FARSB: variants seen among roughly 807,000 people sequenced by gnomAD.
FARSB encodes phenylalanyl-tRNA synthetase subunit beta.
FARSB carries 40 observed loss-of-function variants against 69.6 expected under a neutral mutation model. That is an observed-to-expected ratio of 0.57 (90% CI 0.45 to 0.75). FARSB has a LOEUF of 0.75. Among genes scored for constraint, FARSB ranks in the 30% least tolerant of loss-of-function variants. The probability of loss-of-function intolerance (pLI) is 0.00; values close to 1 mark genes in which losing one functional copy is unlikely to be tolerated. For missense variants in FARSB, 632 were observed against 722.9 expected, an observed-to-expected ratio of 0.87 and a Z score of 1.44; for synonymous variants, 235 against 247.2, an observed-to-expected ratio of 0.95 and a Z score of 0.46.
intron 14 of FARSB, among the ~76,000 whole-genome samples, chr2:222,618,430 A>T (rs1288984322): frequency 6.6e-6 from 1 of 152,206 alleles, no homozygotes; most frequent in African/African-American, 2.4e-5. Context: ...TTTAAAATAT[A>T]ACCTTCCAGT....
chr2:222,611,448 C>T (rs552943019), intron 15 of FARSB, among the ~76,000 whole-genome samples: 4 of 28,368 alleles, frequency 1.4e-4, no homozygotes, highest in Non-Finnish European at 3.3e-4. Flanking sequence ...TTTGGGGGGG[C>T]GGGGGGGCGC....
intron 2 of FARSB, among the ~76,000 whole-genome samples, chr2:222,646,123 G>A (rs954051700): frequency 6.6e-6 from 1 of 152,076 alleles, no homozygotes; most frequent in African/African-American, 2.4e-5. Flanking sequence ...TTTCCTTATG[G>A]CCCAATACAA....
At chr2:222,628,731 C>G in intron 10 of FARSB, 106 bp downstream of exon 10, 1 of 735,548 alleles carries the variant, frequency 1.4e-6, no homozygotes, top group Admixed American at 2.3e-5. Flanking sequence ...GCCTGGCACA[C>G]GGGTGGGTAG....
chr2:222,620,460 A>G lies in FARSB; in HGVS notation c.1252-723T>C, dbSNP rs138466926. On this transcript the variant is annotated intron_variant, in intron 13 of 16. Transcript: ENST00000281828. ...CAAATAAACTGCTGAGTACCCACCA[A>G]TCGAAGAGAAAGATGCTTGCCACCC... 1.2e-3 allele frequency among the ~76,000 whole-genome samples: 178 copies of G among 152,322 alleles called. 2 individuals are homozygous for G. The highest frequency in any genetic ancestry group is 4.1e-3 in the African/African-American group (171 of 41,566).
intron 13 of FARSB, among the ~76,000 whole-genome samples, chr2:222,620,560 T>C (rs1691110719): frequency 6.6e-6 from 1 of 152,210 alleles, no homozygotes; most frequent in South Asian, 2.1e-4. Context: ...AGTCTAATAA[T>C]AAATGATATA....
intron 3 of FARSB, 94 bp from the exon 4 acceptor site, chr2:222,641,025 G>T: frequency 6.5e-6 from 3 of 458,128 alleles, no homozygotes; most frequent in Non-Finnish European, 7.3e-6. Flanking sequence ...TATACAAAAT[G>T]AATTAGGGCA....
intron 16 of FARSB, among the ~76,000 whole-genome samples, chr2:222,589,489 C>T (rs905155266): frequency 1.3e-4 from 19 of 151,826 alleles, no homozygotes; most frequent in Non-Finnish European, 2.6e-4. Context: ...AAAGCAATGG[C>T]AACAAAAGCC....
At chr2:222,621,972 G>T (rs537361261) in intron 13 of FARSB, among the ~76,000 whole-genome samples, 1 of 152,158 alleles carries the variant, frequency 6.6e-6, no homozygotes, top group Non-Finnish European at 1.5e-5. Flanking sequence ...AGTGACTTTG[G>T]ACAGCTAAAC....
chr2:222,588,930 A>T (rs559828916), intron 16 of FARSB, among the ~76,000 whole-genome samples: 10 of 152,314 alleles, frequency 6.6e-5, no homozygotes, highest in Middle Eastern at 3.4e-3. Context: ...AAATGGCCAT[A>T]CTGCCCAAGG....
chr2:222,653,630 A>AT (rs773564002), intron 1 of FARSB, among the ~76,000 whole-genome samples: 10,263 of 143,500 alleles, frequency 0.072, 742 homozygotes, highest in African/African-American at 0.19. Context: ...TTCTGACTGA[A>AT]TTTTTTTTTT....
At chr2:222,651,789 T>A (rs1364558121) in intron 1 of FARSB, among the ~76,000 whole-genome samples, 1 of 152,124 alleles carries the variant, frequency 6.6e-6, no homozygotes, top group Non-Finnish European at 1.5e-5. Context: ...AGAAATAGGA[T>A]AAAATAAAGT....
At chr2:222,646,879 T>G (rs960390087) in intron 2 of FARSB, among the ~76,000 whole-genome samples, 2 of 152,220 alleles carry the variant, frequency 1.3e-5, no homozygotes, top group African/African-American at 4.8e-5. Context: ...CCTTCCACGG[T>G]GCATTGTATT....
intron 1 of FARSB, among the ~76,000 whole-genome samples, chr2:222,654,951 C>T (rs1470992757): frequency 6.6e-6 from 1 of 152,188 alleles, no homozygotes; most frequent in Non-Finnish European, 1.5e-5. Context: ...GTAATCCCAG[C>T]ATTTTGGGAG....
rs980251530 is a variant in FARSB, at chr2:222,653,646, T to C, written c.58+2370A>G. On this transcript the variant is annotated intron_variant, in intron 1 of 16. Coordinates refer to ENST00000281828, the MANE Select transcript of FARSB (RefSeq NM_005687.5). ...TCTGACTGAATTTTTTTTTTTTTTT[T>C]CTGAGACAGGGTCTCACTTTGTGGC... Among the ~76,000 whole-genome samples, 36 of 152,020 alleles carry C rather than the reference T, an allele frequency of 2.4e-4. No homozygotes were observed. In the East Asian group the frequency reaches 6.4e-3, roughly 27 times the overall value.
intron 13 of FARSB, among the ~76,000 whole-genome samples, chr2:222,621,965 G>A (rs1010479997): frequency 7.9e-5 from 12 of 152,330 alleles, no homozygotes; most frequent in Admixed American, 2.6e-4. Context: ...GTATTAAAGT[G>A]ACTTTGGACA....
chr2:222,574,395 A>G (rs1000402126), intron 16 of FARSB, among the ~76,000 whole-genome samples: 1 of 152,226 alleles, frequency 6.6e-6, no homozygotes, highest in African/African-American at 2.4e-5. Flanking sequence ...ATTCTACATA[A>G]CATAAATATC....
At chr2:222,617,612 G>A (rs1401709430) in intron 14 of FARSB, among the ~76,000 whole-genome samples, 1 of 152,218 alleles carries the variant, frequency 6.6e-6, no homozygotes, top group African/African-American at 2.4e-5. Flanking sequence ...GGCCAAGCGA[G>A]GTGGCTCACA....
At chr2:222,607,648 TA>T (rs111339075) in intron 15 of FARSB, among the ~76,000 whole-genome samples, 102 of 148,226 alleles carry the variant, frequency 6.9e-4, no homozygotes, top group Non-Finnish European at 6.0e-4. Context: ...AGTTGGATAT[TA>T]AAAAAAAAAA....
In FARSB at chr2:222,631,694, ATAACAT is replaced by A. The variant is rs1294330573; in HGVS notation, c.716-26_716-21del. The A allele has an allele frequency of 1.5e-6, 2 of 1,333,354 alleles. No homozygotes were observed. Among genetic ancestry groups the A allele is most frequent in the Non-Finnish European group, 2.2e-6 (2 of 928,106 alleles). 82.6% of individuals were successfully genotyped at this position (1,333,354 alleles called of 1,614,324 possible). A position where few individuals can be genotyped will look rare whatever the true frequency, so the allele number is the denominator to read the frequency against. On this transcript the variant is annotated intron_variant, in intron 7 of 16. Transcript: ENST00000281828. The stretch of plus-strand genomic sequence containing the variant: ...GATCCCCTGCAATGAACACAAAACA[ATAACAT>A]TAAAATAACTAATTTCAGAAATAGA...
Sources: allele counts gnomAD v4.1 joint callset (sites outside exome capture counted in the v4.1 genomes callset), GRCh38; gene constraint gnomAD v4.1.1; transcripts MANE v1.5; gene names NCBI Gene and HGNC (gene_info 2026-07-23, HGNC 2026-07-21).